The following OTUD7A variants were observed in gnomAD, a reference collection of about 807,000 sequenced individuals.
The protein encoded by OTUD7A is OTU deubiquitinase 7A.
A neutral mutation model predicts 65.7 loss-of-function variants in OTUD7A; 12 were observed. That is an observed-to-expected ratio of 0.18 (90% CI 0.12 to 0.30). The LOEUF is 0.30. OTUD7A is among the 10% of genes least tolerant of loss of function. OTUD7A has a pLI of 1.00. For synonymous variants in OTUD7A, 641 were observed against 586.3 expected (o/e 1.09, Z -1.35); for missense variants, 1,148 against 1,304.8 (o/e 0.88, Z 1.85).
At position 31,479,058 on chromosome 15, in the gene OTUD7A, T is replaced by C. The variant is rs894149842; in HGVS notation, c.*4236A>G. 10 of 151,854 alleles carry C rather than the reference T, an allele frequency of 6.6e-5. No individual in the cohort carries two copies. Among genetic ancestry groups the C allele is most frequent in the African/African-American group, 2.4e-4 (10 of 41,272 alleles). 9.4% of individuals were successfully genotyped at this position (151,854 alleles called of 1,614,324 possible). Reference sequence around the variant, plus strand: ...CCACACTAAAACAGGCCAGCTAGAGTTTAGAGTCAGGAGTAAATGGGAAGG... The same window carrying C: ...CCACACTAAAACAGGCCAGCTAGAGCTTAGAGTCAGGAGTAAATGGGAAGG... On this transcript the variant is annotated 3_prime_UTR_variant, in exon 13 of 13. Coordinates refer to ENST00000307050, the MANE Select transcript of OTUD7A (RefSeq NM_001382637.1).
intron 1 of OTUD7A, among the ~76,000 whole-genome samples, chr15:31,860,666 GATGT>G (rs1317464513): frequency 5.4e-5 from 1 of 18,422 alleles, no homozygotes; most frequent in Non-Finnish European, 1.5e-4. Flanking sequence ...TGTATATATA[GATGT>G]ATGTGTGTAT....
At chr15:31,685,715 G>A (rs989880499) in intron 1 of OTUD7A, among the ~76,000 whole-genome samples, 6 of 152,150 alleles carry the variant, frequency 3.9e-5, no homozygotes, top group African/African-American at 1.4e-4. Flanking sequence ...TCTTTTTGCT[G>A]GTTCCCTTAC....
At chr15:31,626,897 T>C (rs1890971598) in intron 3 of OTUD7A, among the ~76,000 whole-genome samples, 1 of 144,778 alleles carries the variant, frequency 6.9e-6, no homozygotes, top group Non-Finnish European at 1.5e-5. Flanking sequence ...TTTTTTTGTT[T>C]TGTTTTTTTG....
chr15:31,628,599 C>T lies in OTUD7A; in HGVS notation c.151+26497G>A. ...GGGCTCTTTTTTGGTTCCATATCAA[C>T]TTTAAAGTAGTTTTTTCCAATTCTG... On this transcript the variant is annotated intron_variant, in intron 3 of 12. Coordinates refer to ENST00000307050, the MANE Select transcript of OTUD7A (RefSeq NM_001382637.1). Among the ~76,000 whole-genome samples the T allele has an allele frequency of 1.3e-5, 2 of 152,166 alleles. 1 individual carries two copies. The highest frequency in any genetic ancestry group is 2.9e-5 in the Non-Finnish European group (2 of 68,034).
At chr15:31,870,045 C>A (rs1314250903) in intron 1 of OTUD7A, among the ~76,000 whole-genome samples, 1 of 151,034 alleles carries the variant, frequency 6.6e-6, no homozygotes, top group Non-Finnish European at 1.5e-5. Context: ...CGGCGAGCGG[C>A]CTCGCGCGCG....
intron 1 of OTUD7A, among the ~76,000 whole-genome samples, chr15:31,673,691 T>C (rs1892535287): frequency 6.6e-6 from 1 of 152,250 alleles, no homozygotes; most frequent in Non-Finnish European, 1.5e-5. Flanking sequence ...ATCAGGTTGC[T>C]ACTTTTCCTA....
At chr15:31,767,914 A>T in intron 1 of OTUD7A, 2 of 1,516,174 alleles carry the variant, frequency 1.3e-6, no homozygotes, top group Non-Finnish European at 1.8e-6. Context: ...GCTGGTTGTT[A>T]TCATCAACAT....
chr15:31,501,329 G>A (rs2041461604), intron 10 of OTUD7A, among the ~76,000 whole-genome samples: 1 of 152,020 alleles, frequency 6.6e-6, no homozygotes, highest in African/African-American at 2.4e-5. Flanking sequence ...ATGGGTGGTG[G>A]GCCATAGTTC....
rs548324349 is a variant in OTUD7A at position 31,623,470 on chromosome 15, G to A, written c.151+31626C>T. ...TACTCAAGCCTGAGCAATGGCGGGC[G>A]CCCCTCCCCCAGCCTCACTGCCGCC... On this transcript the variant is annotated intron_variant, in intron 3 of 12. Coordinates refer to ENST00000307050, the MANE Select transcript of OTUD7A (RefSeq NM_001382637.1). Among the ~76,000 whole-genome samples the A allele has an allele frequency of 3.9e-5, 6 of 152,318 alleles. No homozygotes were observed. The East Asian group carries it at 9.7e-4, about 25-fold the overall frequency.
At chr15:31,746,290 A>G (rs2141378374) in intron 1 of OTUD7A, among the ~76,000 whole-genome samples, 1 of 152,246 alleles carries the variant, frequency 6.6e-6, no homozygotes, top group Non-Finnish European at 1.5e-5. Flanking sequence ...AAACAACCCA[A>G]ATGTCCATCA....
At chr15:31,626,624 G>A (rs920612449) in intron 3 of OTUD7A, among the ~76,000 whole-genome samples, 4 of 152,106 alleles carry the variant, frequency 2.6e-5, no homozygotes, top group Non-Finnish European at 5.9e-5. Flanking sequence ...TGCCCAAGTT[G>A]GATTGCAGTG....
Position 31,483,786 on chromosome 15 carries a change from G to A in OTUD7A, c.2310C>T (p.Pro770=), listed in dbSNP as rs1281451137. ...TGACGCTCTGGCGCGCTGGCGCCGGGGGGCTGCGGCCAGGCACTGGTCCGC... is the reference window on the plus strand; with the variant it reads ...TGACGCTCTGGCGCGCTGGCGCCGGAGGGCTGCGGCCAGGCACTGGTCCGC... ...SASGPVPGRS[P]PAPARQSVIH... is the part of the protein sequence containing the mutation. Residue 770 remains proline (P), a synonymous_variant, in exon 13 of 13, where the codon CCC becomes CCT. Transcript: ENST00000307050. 2 of 1,045,552 alleles carry A rather than the reference G, an allele frequency of 1.9e-6. No homozygotes were observed. Among genetic ancestry groups the A allele is most frequent in the East Asian group, 7.9e-5 (1 of 12,642 alleles). 64.8% of individuals were successfully genotyped at this position (1,045,552 alleles called of 1,614,324 possible). A position where few individuals can be genotyped will look rare whatever the true frequency, so the allele number is the denominator to read the frequency against.
At chr15:31,617,498 A>G (rs1890628456) in intron 3 of OTUD7A, among the ~76,000 whole-genome samples, 1 of 152,182 alleles carries the variant, frequency 6.6e-6, no homozygotes, top group Non-Finnish European at 1.5e-5. Context: ...AAAAAAGAAA[A>G]AAAGATAACT....
At chr15:31,623,367 A>C (rs879623342) in intron 3 of OTUD7A, among the ~76,000 whole-genome samples, 2 of 152,202 alleles carry the variant, frequency 1.3e-5, no homozygotes, top group Non-Finnish European at 2.9e-5. Context: ...CCAGAGGTGG[A>C]GTCTACAGAG....
intron 10 of OTUD7A, among the ~76,000 whole-genome samples, chr15:31,489,757 C>T (rs1240186080): frequency 1.3e-5 from 2 of 152,214 alleles, no homozygotes; most frequent in African/African-American, 2.4e-5. Context: ...TAAGACGGCA[C>T]CCCAGACAGT....
chr15:31,571,634 T>C (rs952033651), intron 3 of OTUD7A, among the ~76,000 whole-genome samples: 1 of 152,222 alleles, frequency 6.6e-6, no homozygotes, highest in Non-Finnish European at 1.5e-5. Flanking sequence ...GGAGATAGTG[T>C]TTGTAAAGTT....
chr15:31,751,721 T>C (rs1205832412), intron 1 of OTUD7A, among the ~76,000 whole-genome samples: 1 of 152,200 alleles, frequency 6.6e-6, no homozygotes, highest in Non-Finnish European at 1.5e-5. Context: ...CACCATGGAA[T>C]ACTCTGCAGC....
In OTUD7A at chr15:31,483,412, C is replaced by A; in HGVS notation, c.2684G>T (p.Arg895Leu). The A allele has an allele frequency of 7.3e-7, 1 of 1,364,830 alleles. No individual in the cohort carries two copies. The highest frequency in any genetic ancestry group is 9.4e-7 in the Non-Finnish European group (1 of 1,058,362). The allele number at this position is 1,364,830 out of a possible 1,614,324, so 84.5% of individuals were successfully genotyped here. A position where few individuals can be genotyped will look rare whatever the true frequency, so the allele number is the denominator to read the frequency against. ...CGCACAGTTCTCGCGCTGGCAGCGCCGCTGCACCGGCCCCGGGCCGCCACG... is the reference window on the plus strand; with the variant it reads ...CGCACAGTTCTCGCGCTGGCAGCGCAGCTGCACCGGCCCCGGGCCGCCACG... ...CGRGGPGPVQ[R>L]RCQRENCAFY... is the part of the protein sequence containing the mutation. Residue 895 changes from arginine (R) to leucine (L), a missense_variant, in exon 13 of 13, where the codon CGG becomes CTG. By Grantham distance (102) the Arg-to-Leu change is moderately radical (BLOSUM62 -2). Coordinates refer to ENST00000307050, the MANE Select transcript of OTUD7A (RefSeq NM_001382637.1).
At chr15:31,515,787 A>T (rs1013591313) in intron 8 of OTUD7A, among the ~76,000 whole-genome samples, 2 of 143,026 alleles carry the variant, frequency 1.4e-5, no homozygotes, top group African/African-American at 5.2e-5. Flanking sequence ...CCAACCACCC[A>T]TCCACCTGTC....
Sources: gnomAD v4.1 joint callset for allele counts (sites outside exome capture counted in the v4.1 genomes callset) on GRCh38, gnomAD v4.1.1 for gene constraint, MANE v1.5 for transcripts, NCBI Gene and HGNC (gene_info 2026-07-23, HGNC 2026-07-21) for gene names.